The following ZNF503 variants were observed in gnomAD, a reference collection of about 807,000 sequenced individuals.
The protein encoded by ZNF503 is NocA-like zinc finger 2.
In ZNF503, 15 loss-of-function variants were observed where a neutral mutation model predicts 34.4. That is an observed-to-expected ratio of 0.44 (90% CI 0.29 to 0.67). ZNF503 has a LOEUF of 0.67. Among genes scored for constraint, ZNF503 ranks in the 30% least tolerant of loss-of-function variants. The probability of loss-of-function intolerance (pLI) is 0.13; values close to 1 mark genes in which losing one functional copy is unlikely to be tolerated. For missense variants in ZNF503, 1,007 were observed against 926.8 expected, an observed-to-expected ratio of 1.09 and a Z score of -1.12; for synonymous variants, 580 against 456.8, an observed-to-expected ratio of 1.27 and a Z score of -3.44.
At chr10:75,370,460 G>A in the ZNF503 span, among the ~76,000 whole-genome samples, 15,159 of 152,078 alleles carry the variant, frequency 0.1, 1,753 homozygotes, top group African/African-American at 0.28. Context: ...GCTTGTGGCC[G>A]AATCCTGCGG....
the ZNF503 span, among the ~76,000 whole-genome samples, chr10:75,288,939 C>T: frequency 6.6e-6 from 1 of 152,174 alleles, no homozygotes; most frequent in African/African-American, 2.4e-5. Flanking sequence ...GGGGGCTGAT[C>T]TGGCTTTGTC....
the ZNF503 span, among the ~76,000 whole-genome samples, chr10:75,339,748 G>A: frequency 3.3e-4 from 50 of 152,188 alleles, no homozygotes; most frequent in East Asian, 8.9e-3. Flanking sequence ...GTAGAAGATG[G>A]TTTTATACAT....
At chr10:75,313,714 T>C in the ZNF503 span, among the ~76,000 whole-genome samples, 1 of 152,204 alleles carries the variant, frequency 6.6e-6, no homozygotes, top group African/African-American at 2.4e-5. Context: ...TTCCTGGGCA[T>C]GCCCCTGCAG....
the ZNF503 span, among the ~76,000 whole-genome samples, chr10:75,365,968 A>G: frequency 6.6e-6 from 1 of 152,224 alleles, no homozygotes; most frequent in African/African-American, 2.4e-5. Flanking sequence ...AGCCCCAGTG[A>G]GGAGGTCAAG....
At chr10:75,308,509 G>T in the ZNF503 span, among the ~76,000 whole-genome samples, 1 of 152,182 alleles carries the variant, frequency 6.6e-6, no homozygotes, top group Non-Finnish European at 1.5e-5. Flanking sequence ...TGCTATAGCT[G>T]CCAGAGATAG....
the ZNF503 span, among the ~76,000 whole-genome samples, chr10:75,356,615 A>G: frequency 2.6e-5 from 4 of 152,236 alleles, no homozygotes; most frequent in Non-Finnish European, 5.9e-5. Context: ...GTGTAAGAAC[A>G]TCATTCATTC....
the ZNF503 span, among the ~76,000 whole-genome samples, chr10:75,280,555 CGTGTGT>C: frequency 3.4e-3 from 505 of 146,616 alleles, 3 homozygotes; most frequent in African/African-American, 0.012. Context: ...GGTGTGTATG[CGTGTGT>C]GTGTGTGTGT....
At chr10:75,371,583 C>T in the ZNF503 span, among the ~76,000 whole-genome samples, 2 of 152,356 alleles carry the variant, frequency 1.3e-5, no homozygotes, top group East Asian at 1.9e-4. Context: ...TGACTTCTTT[C>T]TCGGGTCTCA....
chr10:75,369,435 G>T, the ZNF503 span, among the ~76,000 whole-genome samples: 1 of 152,090 alleles, frequency 6.6e-6, no homozygotes, highest in Non-Finnish European at 1.5e-5. Flanking sequence ...GAGATCTGAT[G>T]GTTTTATAAG....
chr10:75,390,341 TTCC>T, the ZNF503 span, among the ~76,000 whole-genome samples: 8 of 151,548 alleles, frequency 5.3e-5, no homozygotes, highest in South Asian at 1.5e-3. Flanking sequence ...TCCCCTCCTC[TTCC>T]TCCTCCTTCA....
chr10:75,289,963 A>G, the ZNF503 span, among the ~76,000 whole-genome samples: 1 of 152,202 alleles, frequency 6.6e-6, no homozygotes, highest in South Asian at 2.1e-4. Context: ...TTCACCTTGT[A>G]AAACAGAAAC....
the ZNF503 span, among the ~76,000 whole-genome samples, chr10:75,284,705 A>G: frequency 6.6e-6 from 1 of 152,106 alleles, no homozygotes; most frequent in South Asian, 2.1e-4. Flanking sequence ...AGGTGGATGT[A>G]GTGTCTGGAT....
chr10:75,377,263 C>T, the ZNF503 span, among the ~76,000 whole-genome samples: 4 of 152,212 alleles, frequency 2.6e-5, no homozygotes, highest in African/African-American at 9.6e-5. Context: ...ACAAGGTAAC[C>T]TCCAGGGCTC....
At chr10:75,341,753 A>G in the ZNF503 span, among the ~76,000 whole-genome samples, 1 of 152,212 alleles carries the variant, frequency 6.6e-6, no homozygotes, top group African/African-American at 2.4e-5. Context: ...CATTACTACA[A>G]ATTACATGTA....
the ZNF503 span, among the ~76,000 whole-genome samples, chr10:75,362,321 G>A: frequency 1.3e-5 from 2 of 152,000 alleles, no homozygotes; most frequent in Non-Finnish European, 2.9e-5. Context: ...AGAATGTTCC[G>A]TATATGCCCC....
At chr10:75,327,732 C>A in the ZNF503 span, among the ~76,000 whole-genome samples, 1 of 152,094 alleles carries the variant, frequency 6.6e-6, no homozygotes, top group Admixed American at 6.5e-5. Flanking sequence ...TGTAATAGTT[C>A]CTTTTCTCTG....
chr10:75,347,031 C>A, the ZNF503 span, among the ~76,000 whole-genome samples: 1 of 152,108 alleles, frequency 6.6e-6, no homozygotes, highest in African/African-American at 2.4e-5. Context: ...TTCTCTTATG[C>A]CTCTGTTTTC....
chr10:75,392,076 G>A, the ZNF503 span, among the ~76,000 whole-genome samples: 2 of 152,196 alleles, frequency 1.3e-5, no homozygotes, highest in Non-Finnish European at 1.5e-5. Context: ...AGAGGGTGGA[G>A]GACAAAATCC....
At chr10:75,308,577 A>G in the ZNF503 span, among the ~76,000 whole-genome samples, 1 of 152,228 alleles carries the variant, frequency 6.6e-6, no homozygotes, top group African/African-American at 2.4e-5. Context: ...AGGATTCATC[A>G]TTCTAGATGC....
Sources: allele counts gnomAD v4.1 joint callset (sites outside exome capture counted in the v4.1 genomes callset), GRCh38; gene constraint gnomAD v4.1.1; transcripts MANE v1.5; gene names NCBI Gene and HGNC (gene_info 2026-07-23, HGNC 2026-07-21).